The following GALNT13 variants were observed in gnomAD, a reference collection of about 807,000 sequenced individuals.
The protein encoded by GALNT13 is polypeptide N-acetylgalactosaminyltransferase 13.
Under a neutral mutation model 64.2 loss-of-function variants are expected in GALNT13, and 28 were observed. That is an observed-to-expected ratio of 0.44 (90% CI 0.32 to 0.60). GALNT13 has a LOEUF of 0.60. Among genes scored for constraint, GALNT13 ranks in the 20% least tolerant of loss-of-function variants. GALNT13 has a pLI of 0.05. For synonymous variants in GALNT13, 214 were observed against 224.6 expected (o/e 0.95, Z 0.42); for missense variants, 577 against 669.8 (o/e 0.86, Z 1.53).
chr2:153,501,198 T>G, the GALNT13 span, among the ~76,000 whole-genome samples: 1 of 152,222 alleles, frequency 6.6e-6, no homozygotes, highest in African/African-American at 2.4e-5. Context: ...AAATGATGAC[T>G]CAAAAATTTT....
intron 3 of GALNT13, among the ~76,000 whole-genome samples, chr2:153,980,255 A>G (rs919285688): frequency 2.0e-5 from 3 of 152,186 alleles, no homozygotes; most frequent in Non-Finnish European, 2.9e-5. Flanking sequence ...GTGGAGCACC[A>G]CTGAAGGATT....
the GALNT13 span, among the ~76,000 whole-genome samples, chr2:153,492,425 C>T: frequency 6.6e-6 from 1 of 152,124 alleles, no homozygotes; most frequent in Non-Finnish European, 1.5e-5. Flanking sequence ...TATTGAAGAA[C>T]ATTAGCTACA....
chr2:153,257,316 C>G, the GALNT13 span, among the ~76,000 whole-genome samples: 4 of 152,066 alleles, frequency 2.6e-5, no homozygotes, highest in African/African-American at 9.7e-5. Flanking sequence ...TCGGCTCGTG[C>G]ACGGTGCGCG....
At chr2:154,121,573 G>A (rs1399316544) in intron 3 of GALNT13, among the ~76,000 whole-genome samples, 8 of 151,902 alleles carry the variant, frequency 5.3e-5, no homozygotes, top group East Asian at 1.9e-4. Context: ...ATTTTTTGGT[G>A]CTATTGTAAA....
the GALNT13 span, among the ~76,000 whole-genome samples, chr2:153,561,655 G>T: frequency 6.6e-6 from 1 of 151,602 alleles, no homozygotes; most frequent in Non-Finnish European, 1.5e-5. Context: ...GTGTGTGTGT[G>T]TGTGTGTGTG....
chr2:153,952,744 G>T (rs1048627628), intron 3 of GALNT13, among the ~76,000 whole-genome samples: 2 of 148,784 alleles, frequency 1.3e-5, no homozygotes, highest in Admixed American at 6.7e-5. Context: ...TGCAAGCTGA[G>T]GAGCAAGAAA....
chr2:153,627,667 T>C, the GALNT13 span, among the ~76,000 whole-genome samples: 1 of 152,062 alleles, frequency 6.6e-6, no homozygotes, highest in Non-Finnish European at 1.5e-5. Context: ...CACCTAATAA[T>C]ACTCAGACAA....
At chr2:153,888,068 A>G (rs2105260147) in intron 1 of GALNT13, among the ~76,000 whole-genome samples, 1 of 152,130 alleles carries the variant, frequency 6.6e-6, no homozygotes, top group East Asian at 1.9e-4. Flanking sequence ...ATTTAGAAAT[A>G]TTTGAATTCC....
At chr2:153,693,330 G>A in the GALNT13 span, among the ~76,000 whole-genome samples, 2 of 152,072 alleles carry the variant, frequency 1.3e-5, no homozygotes, top group South Asian at 2.1e-4. Flanking sequence ...AATCGTATTC[G>A]GATTTAGCCC....
chr2:154,429,523 A>G (rs374001243), intron 11 of GALNT13, among the ~76,000 whole-genome samples: 1 of 152,206 alleles, frequency 6.6e-6, no homozygotes, highest in African/African-American at 2.4e-5. Context: ...AGCTAGCAGA[A>G]GTTGATTTAT....
chr2:153,654,436 G>A, the GALNT13 span, among the ~76,000 whole-genome samples: 2 of 151,870 alleles, frequency 1.3e-5, no homozygotes, highest in East Asian at 3.9e-4. Flanking sequence ...ATGTTAAAAG[G>A]TTTTATTTGT....
At chr2:154,053,086 T>TA (rs1699725289) in intron 3 of GALNT13, among the ~76,000 whole-genome samples, 1 of 152,118 alleles carries the variant, frequency 6.6e-6, no homozygotes, top group Non-Finnish European at 1.5e-5. Flanking sequence ...AGATAAATCT[T>TA]AAAAAACTTC....
At chr2:153,433,037 G>C in the GALNT13 span, among the ~76,000 whole-genome samples, 1 of 151,754 alleles carries the variant, frequency 6.6e-6, no homozygotes, top group South Asian at 2.1e-4. Context: ...CCAAGCATTT[G>C]GAGACTCTCC....
the GALNT13 span, among the ~76,000 whole-genome samples, chr2:153,755,504 T>C: frequency 4.6e-5 from 7 of 152,282 alleles, no homozygotes; most frequent in African/African-American, 1.7e-4. Flanking sequence ...TGATTAGTGA[T>C]GTTGAGCATT....
chr2:154,173,752 C>T lies in GALNT13; in HGVS notation c.311+33247C>T, dbSNP rs181572652. 2.6e-5 allele frequency among the ~76,000 whole-genome samples: 4 copies of T among 152,166 alleles called. No homozygotes were observed. The East Asian group carries it at 5.8e-4, about 22-fold the overall frequency. On this transcript the variant is annotated intron_variant, in intron 4 of 12. Coordinates refer to ENST00000392825, the MANE Select transcript of GALNT13 (RefSeq NM_052917.4). ...TGAATAGACATTTCTCTAAAGAAGA[C>T]ATACAAAAGGCCCTCAAGTATATGA...
At chr2:153,478,291 A>C in the GALNT13 span, 2 of 1,614,060 alleles carry the variant, frequency 1.2e-6, no homozygotes, top group Admixed American at 1.7e-5. Flanking sequence ...CCGGTCCTTC[A>C]CGAGGAAGTT....
chr2:153,970,247 T>C (rs1004252207), intron 3 of GALNT13, among the ~76,000 whole-genome samples: 3 of 152,210 alleles, frequency 2.0e-5, no homozygotes, highest in African/African-American at 7.2e-5. Context: ...CCACTTATTG[T>C]TTCCATATTG....
intron 4 of GALNT13, among the ~76,000 whole-genome samples, chr2:154,191,037 A>C (rs1382927521): frequency 6.6e-6 from 1 of 152,174 alleles, no homozygotes; most frequent in Non-Finnish European, 1.5e-5. Context: ...GACTGTGCAA[A>C]TCTACCATCC....
At chr2:154,006,112 T>C (rs1244482276) in intron 3 of GALNT13, among the ~76,000 whole-genome samples, 1 of 152,216 alleles carries the variant, frequency 6.6e-6, no homozygotes. Flanking sequence ...GTAACTATGC[T>C]GAACATATAT....
Sources: gnomAD v4.1 joint callset for allele counts (sites outside exome capture counted in the v4.1 genomes callset) on GRCh38, gnomAD v4.1.1 for gene constraint, MANE v1.5 for transcripts, NCBI Gene and HGNC (gene_info 2026-07-23, HGNC 2026-07-21) for gene names.